Variants in ROBO2 observed in about 807,000 individuals in gnomAD.
The protein encoded by ROBO2 is roundabout homolog 2.
Under a neutral mutation model 160.8 loss-of-function variants are expected in ROBO2, and 53 were observed. That is an observed-to-expected ratio of 0.33 (90% CI 0.26 to 0.41). ROBO2 has a LOEUF of 0.41. Ranked by LOEUF, ROBO2 falls within the 10% of genes least tolerant of loss-of-function variation. ROBO2 has a pLI of 1.00. For missense variants in ROBO2, 1,577 were observed against 1,722.4 expected, an observed-to-expected ratio of 0.92 and a Z score of 1.49; for synonymous variants, 664 against 611.7, an observed-to-expected ratio of 1.09 and a Z score of -1.26.
intron 2 of ROBO2, among the ~76,000 whole-genome samples, chr3:77,461,960 A>G (rs1026664690): frequency 6.6e-6 from 1 of 152,110 alleles, no homozygotes; most frequent in East Asian, 1.9e-4. Context: ...TTCTGACCTC[A>G]GGTGATCCAC....
intron 2 of ROBO2, among the ~76,000 whole-genome samples, chr3:76,478,725 C>T (rs935448576): frequency 4.2e-5 from 6 of 144,368 alleles, no homozygotes; most frequent in African/African-American, 1.3e-4. Context: ...TCTCTCAGCT[C>T]GGCTAGAGTG....
At chr3:76,329,146 A>T (rs913060492) in intron 2 of ROBO2, among the ~76,000 whole-genome samples, 1 of 151,992 alleles carries the variant, frequency 6.6e-6, no homozygotes, top group African/African-American at 2.4e-5. Flanking sequence ...ACCTACCCCA[A>T]GTCCCCCACG....
At chr3:76,269,275 A>T (rs554058871) in intron 2 of ROBO2, among the ~76,000 whole-genome samples, 14 of 152,186 alleles carry the variant, frequency 9.2e-5, no homozygotes, top group African/African-American at 3.4e-4. Flanking sequence ...CGTCTCATGT[A>T]CCTCACAAAT....
chr3:76,950,958 G>C (rs951126838), intron 2 of ROBO2, among the ~76,000 whole-genome samples: 1 of 152,028 alleles, frequency 6.6e-6, no homozygotes, highest in Non-Finnish European at 1.5e-5. Context: ...GAACTCCCAG[G>C]GTCAAGCAAT....
chr3:77,592,093 T>C (rs962016059), intron 17 of ROBO2, among the ~76,000 whole-genome samples: 2 of 152,168 alleles, frequency 1.3e-5, no homozygotes, highest in Non-Finnish European at 2.9e-5. Flanking sequence ...GAAAAAGTGT[T>C]CCCTGTTTTT....
rs1273974094 is a variant in ROBO2 at position 77,538,813 on chromosome 3, T to TA, written c.935-7524dup. Reference sequence around the variant, plus strand: ...ATAAATTGAGTAAACATTTATCTCTTACTACTGGTCTATAATTGCATTGCA... The same window carrying TA: ...ATAAATTGAGTAAACATTTATCTCTTAACTACTGGTCTATAATTGCATTGCA... On this transcript the variant is annotated intron_variant, in intron 6 of 25. Coordinates refer to ENST00000461745, the Ensembl canonical transcript of ROBO2. 5.1e-5 allele frequency: 24 copies of TA among 466,612 alleles called. No individual in the cohort carries two copies. In the East Asian group the frequency reaches 1.4e-3, roughly 28 times the overall value. The allele number at this position is 466,612 out of a possible 1,614,324, so 28.9% of individuals were successfully genotyped here.
At chr3:76,648,859 T>C (rs2091113448) in intron 2 of ROBO2, among the ~76,000 whole-genome samples, 1 of 152,114 alleles carries the variant, frequency 6.6e-6, no homozygotes, top group Non-Finnish European at 1.5e-5. Flanking sequence ...GTTTATAAAA[T>C]TCAAATGTTA....
chr3:76,691,047 T>TTG (rs1410724373), intron 2 of ROBO2, among the ~76,000 whole-genome samples: 1 of 151,490 alleles, frequency 6.6e-6, no homozygotes, highest in Non-Finnish European at 1.5e-5. Context: ...TAGCAAAGAG[T>TTG]TCTGTCTAAA....
At chr3:77,448,987 G>A (rs967551389) in intron 2 of ROBO2, among the ~76,000 whole-genome samples, 1 of 152,112 alleles carries the variant, frequency 6.6e-6, no homozygotes, top group Non-Finnish European at 1.5e-5. Flanking sequence ...TTATAGGTAT[G>A]TAAAAATTGT....
intron 2 of ROBO2, among the ~76,000 whole-genome samples, chr3:76,419,182 T>A (rs1410474982): frequency 5.3e-5 from 8 of 152,190 alleles, no homozygotes; most frequent in African/African-American, 1.9e-4. Flanking sequence ...AAAAATTATG[T>A]CATCAAATGC....
intron 2 of ROBO2, among the ~76,000 whole-genome samples, chr3:77,032,824 G>A (rs991959978): frequency 1.3e-5 from 2 of 152,074 alleles, no homozygotes; most frequent in Non-Finnish European, 2.9e-5. Flanking sequence ...AGGGGGTAAG[G>A]TATAGGTGAG....
At chr3:77,453,236 T>C (rs112113639) in intron 2 of ROBO2, among the ~76,000 whole-genome samples, 6 of 152,206 alleles carry the variant, frequency 3.9e-5, no homozygotes, top group Non-Finnish European at 5.9e-5. Flanking sequence ...TTGTCTTCTG[T>C]GTCATTTTTC....
chr3:77,344,128 C>A (rs951536429), intron 2 of ROBO2, among the ~76,000 whole-genome samples: 1 of 152,014 alleles, frequency 6.6e-6, no homozygotes, highest in South Asian at 2.1e-4. Context: ...CCGTGAGCCT[C>A]CTTTTATGGT....
intron 1 of ROBO2, among the ~76,000 whole-genome samples, chr3:75,908,315 A>C (rs192786794): frequency 3.9e-5 from 6 of 152,276 alleles, no homozygotes; most frequent in Admixed American, 3.9e-4. Flanking sequence ...AGTATGTAAT[A>C]TTTTATTTTG....
chr3:76,360,536 C>T (rs1170934472), intron 2 of ROBO2, among the ~76,000 whole-genome samples: 2 of 152,058 alleles, frequency 1.3e-5, no homozygotes, highest in Non-Finnish European at 2.9e-5. Flanking sequence ...ACAAAATAAA[C>T]TTTCGCTTAG....
intron 2 of ROBO2, among the ~76,000 whole-genome samples, chr3:76,055,782 C>T (rs964745686): frequency 2.2e-4 from 33 of 152,096 alleles, no homozygotes; most frequent in Middle Eastern, 3.4e-3. Flanking sequence ...TTTTTTGAGA[C>T]GGAGTCTCGC....
intron 2 of ROBO2, among the ~76,000 whole-genome samples, chr3:76,000,758 T>C (rs1257690993): frequency 2.0e-5 from 3 of 151,944 alleles, no homozygotes; most frequent in African/African-American, 7.3e-5. Context: ...CCAAAGTTAA[T>C]TTTTTTATAT....
chr3:76,074,396 C>T (rs549889780), intron 2 of ROBO2, among the ~76,000 whole-genome samples: 1 of 152,270 alleles, frequency 6.6e-6, no homozygotes, highest in East Asian at 1.9e-4. Flanking sequence ...AGAAGAGCAC[C>T]ATGGTTTGCT....
intron 2 of ROBO2, among the ~76,000 whole-genome samples, chr3:77,364,000 A>G (rs532232959): frequency 6.6e-6 from 1 of 152,250 alleles, no homozygotes; most frequent in South Asian, 2.1e-4. Context: ...ATTTTGGAGT[A>G]TTCTCTTCTA....
Sources: allele counts gnomAD v4.1 joint callset (sites outside exome capture counted in the v4.1 genomes callset), GRCh38; gene constraint gnomAD v4.1.1; transcripts MANE v1.5; gene names NCBI Gene and HGNC (gene_info 2026-07-23, HGNC 2026-07-21).